SHC4: variants seen among roughly 807,000 people sequenced by gnomAD.
The protein encoded by SHC4 is SHC adaptor protein 4.
SHC4 carries 41 observed loss-of-function variants against 69.4 expected under a neutral mutation model. The ratio of observed to expected loss-of-function variants is 0.59; its 90% CI spans 0.46 to 0.77. SHC4 has a LOEUF of 0.77. Ranked by LOEUF, SHC4 falls within the 30% of genes least tolerant of loss-of-function variation. The probability of loss-of-function intolerance (pLI) is 0.00; values close to 1 mark genes in which losing one functional copy is unlikely to be tolerated. For missense variants in SHC4, 777 were observed against 783.8 expected (o/e 0.99, Z 0.10); for synonymous variants, 318 against 299.3 (o/e 1.06, Z -0.64).
At chr15:48,962,304 G>T in intron 1 of SHC4, 127 bp downstream of exon 1, 1 of 983,140 alleles carries the variant, frequency 1.0e-6, no homozygotes, top group Non-Finnish European at 1.5e-6. Context: ...CTCCGCCTTG[G>T]TCCAGTTGAA....
At chr15:48,895,951 A>C (rs1045152488) in intron 2 of SHC4, among the ~76,000 whole-genome samples, 1 of 152,068 alleles carries the variant, frequency 6.6e-6, no homozygotes, top group Admixed American at 6.6e-5. Flanking sequence ...TGCCAGGCAC[A>C]GCAGTGCACA....
chr15:48,839,585 A>G (rs1898956891), intron 10 of SHC4, among the ~76,000 whole-genome samples: 1 of 152,154 alleles, frequency 6.6e-6, no homozygotes, highest in South Asian at 2.1e-4. Context: ...GCCTGGCCAG[A>G]TTTGGTCATC....
rs558425750 is a variant in SHC4 at position 48,863,361 on chromosome 15, T to C, written c.946+4457A>G. Among the ~76,000 whole-genome samples, 39 of 152,298 alleles carry C rather than the reference T, an allele frequency of 2.6e-4. 1 individual carries two copies. Among genetic ancestry groups the C allele is most frequent in the South Asian group, 2.3e-3 (11 of 4,826 alleles). On this transcript the variant is annotated intron_variant, in intron 6 of 11. Coordinates refer to ENST00000332408, the MANE Select transcript of SHC4 (RefSeq NM_203349.4). ...TATACACAATCTTCATAATGTTTTT[T>C]GCATTAACAGCATTGTGAATATTTT...
intron 9 of SHC4, among the ~76,000 whole-genome samples, chr15:48,848,603 T>A (rs1246392735): frequency 1.3e-5 from 2 of 152,312 alleles, no homozygotes; most frequent in African/African-American, 4.8e-5. Context: ...AACAAACTTT[T>A]ATTAAAGTCT....
In SHC4 at chr15:48,874,984, C is replaced by A. The variant is rs576930963; in HGVS notation, c.841-2842G>T. The stretch of plus-strand genomic sequence containing the variant: ...TGGTAAGCCCATAAGCTAACCCTAG[C>A]CAAAATGAGTAAAAAACAAACTTCA... On this transcript the variant is annotated intron_variant, in intron 4 of 11. Coordinates refer to ENST00000332408, the MANE Select transcript of SHC4 (RefSeq NM_203349.4). Among the ~76,000 whole-genome samples the A allele has an allele frequency of 6.6e-5, 10 of 152,166 alleles. No homozygotes were observed. In the East Asian group the frequency reaches 1.9e-3, roughly 29 times the overall value.
chr15:48,851,720 C>T (rs1899218014), intron 8 of SHC4, among the ~76,000 whole-genome samples: 2 of 152,198 alleles, frequency 1.3e-5, no homozygotes, highest in South Asian at 2.1e-4. Context: ...CATCCCTGTA[C>T]ATACAACTCT....
intron 4 of SHC4, among the ~76,000 whole-genome samples, chr15:48,873,781 T>G (rs924105478): frequency 6.6e-6 from 1 of 152,146 alleles, no homozygotes; most frequent in African/African-American, 2.4e-5. Context: ...ACACTGTATT[T>G]TGGGGAGAAA....
At chr15:48,845,359 T>C (rs1193876901) in intron 9 of SHC4, among the ~76,000 whole-genome samples, 1 of 152,202 alleles carries the variant, frequency 6.6e-6, no homozygotes, top group African/African-American at 2.4e-5. Context: ...CATCTTGTCA[T>C]GTGTCATACT....
chr15:48,834,861 G>A lies in SHC4; in HGVS notation c.1645C>T (p.Arg549Ter), dbSNP rs147123789. The A allele has an allele frequency of 4.3e-6, 7 of 1,613,956 alleles. No homozygotes were observed. Among genetic ancestry groups the A allele is most frequent in the Non-Finnish European group, 5.1e-6 (6 of 1,180,018 alleles). The change falls in exon 11 of 12, where the codon CGA becomes TGA. Residue 549 changes from arginine (R) to a stop codon, truncating the protein, a stop_gained. Transcript: ENST00000332408. LOFTEE classifies it high-confidence loss of function. ...TGGCCAGGGGATGTTGCACTCTCTC[G>A]AACCAAAAAGTCCCCATCCTTTACC... ...LLVKDGDFLV[R>*]ESATSPGQYV... is the part of the protein sequence containing the mutation.
intron 11 of SHC4, among the ~76,000 whole-genome samples, chr15:48,827,217 G>T (rs1392206334): frequency 6.6e-6 from 1 of 152,092 alleles, no homozygotes; most frequent in Non-Finnish European, 1.5e-5. Context: ...CTAGATGTTG[G>T]TTTTTGCCGT....
chr15:48,953,125 A>G (rs928338741), intron 1 of SHC4, among the ~76,000 whole-genome samples: 2 of 152,214 alleles, frequency 1.3e-5, no homozygotes, highest in African/African-American at 4.8e-5. Context: ...AGGGACATGG[A>G]TGGAGCTGGA....
intron 7 of SHC4, 141 bp from the exon 8 acceptor site, chr15:48,856,265 T>A: frequency 1.3e-6 from 1 of 764,750 alleles, no homozygotes; most frequent in Non-Finnish European, 2.0e-6. Flanking sequence ...TAAGTGATGT[T>A]AAACATTTGG....
In SHC4 at chr15:48,873,940, G is replaced by C. The variant is rs531218245; in HGVS notation, c.841-1798C>G. ...GATGAGAAGATGGTATTACAAAGGT[G>C]TCAATCCTACCCCAGATTAATTTAT... On this transcript the variant is annotated intron_variant, in intron 4 of 11. Transcript: ENST00000332408. Among the ~76,000 whole-genome samples, 27 of 152,280 alleles carry C rather than the reference G, an allele frequency of 1.8e-4. No homozygotes were observed. The South Asian group carries it at 5.4e-3, about 30-fold the overall frequency.
chr15:48,835,932 C>T (rs1898889461), intron 10 of SHC4, among the ~76,000 whole-genome samples: 1 of 145,060 alleles, frequency 6.9e-6, no homozygotes, highest in African/African-American at 2.6e-5. Context: ...TATCCCAGCA[C>T]TTTGGGAGGC....
chr15:48,878,729 G>C (rs1314938347), intron 4 of SHC4: 1 of 1,612,640 alleles, frequency 6.2e-7, no homozygotes, highest in East Asian at 2.2e-5. Context: ...TGAGATTATT[G>C]ATAGAGAGTA....
At chr15:48,957,071 A>G (rs1264028112) in intron 1 of SHC4, among the ~76,000 whole-genome samples, 1 of 140,452 alleles carries the variant, frequency 7.1e-6, no homozygotes, top group East Asian at 2.1e-4. Context: ...TCCACTTCCC[A>G]GGTTCAAGCA....
At chr15:48,930,726 A>G (rs977344001) in intron 1 of SHC4, among the ~76,000 whole-genome samples, 1 of 152,230 alleles carries the variant, frequency 6.6e-6, no homozygotes, top group African/African-American at 2.4e-5. Flanking sequence ...CCTTCATGCA[A>G]TAAATGTTCA....
At chr15:48,949,278 G>T (rs765561211) in intron 1 of SHC4, among the ~76,000 whole-genome samples, 1 of 151,900 alleles carries the variant, frequency 6.6e-6, no homozygotes, top group African/African-American at 2.4e-5. Flanking sequence ...GGCTGAGGCA[G>T]GAGACTGGCA....
chr15:48,946,396 T>C (rs1239660191), intron 1 of SHC4, among the ~76,000 whole-genome samples: 1 of 152,174 alleles, frequency 6.6e-6, no homozygotes, highest in Non-Finnish European at 1.5e-5. Flanking sequence ...GAATCAATAC[T>C]CACTCCTTGC....
Sources: gnomAD v4.1 joint callset for allele counts (sites outside exome capture counted in the v4.1 genomes callset) on GRCh38, gnomAD v4.1.1 for gene constraint, MANE v1.5 for transcripts, NCBI Gene and HGNC (gene_info 2026-07-23, HGNC 2026-07-21) for gene names.